The following WWOX variants were observed in gnomAD, a reference collection of about 807,000 sequenced individuals.
WWOX encodes the protein WW domain-containing oxidoreductase.
WWOX carries 69 observed loss-of-function variants against 46.2 expected under a neutral mutation model. That is an observed-to-expected ratio of 1.49 (90% CI 1.23 to 1.82). WWOX has a LOEUF of 1.82. WWOX is among the 40% of genes most tolerant of loss of function. The pLI is 0.00. For synonymous variants in WWOX, 359 were observed against 202.6 expected (o/e 1.77, Z -6.56); for missense variants, 919 against 542.6 (o/e 1.69, Z -6.89).
rs1488549688 is a variant in WWOX at position 79,207,993 on chromosome 16, C to T, written c.1057-3615C>T. Among the ~76,000 whole-genome samples, 3 of 152,160 alleles carry T rather than the reference C, an allele frequency of 2.0e-5. 1 individual carries two copies. The highest frequency in any genetic ancestry group is 4.4e-5 in the Non-Finnish European group (3 of 68,038). ...ATGGATAATTTAGATCTGAGGGCCT[C>T]AACTATAAATAAACAGCAACTGCTT... On this transcript the variant is annotated intron_variant, in intron 8 of 8. Transcript: ENST00000566780.
intron 4 of WWOX, chr16:78,123,440 G>GTTTTGTTTTGTTTTGTTTTGTTTTTT (rs1567584444): frequency 2.0e-5 from 1 of 50,500 alleles, no homozygotes; most frequent in African/African-American, 8.4e-5. Context: ...TTTTTGTTTT[G>GTTTTGTTTTGTTTTGTTTTGTTTTTT]TTTTTTTTTT....
intron 8 of WWOX, among the ~76,000 whole-genome samples, chr16:78,751,987 G>T (rs918129653): frequency 2.1e-5 from 3 of 142,496 alleles, no homozygotes; most frequent in Non-Finnish European, 4.6e-5. Context: ...CTTCTAAAGA[G>T]AATTGGCATT....
At chr16:79,008,140 A>C (rs927412911) in intron 8 of WWOX, among the ~76,000 whole-genome samples, 7 of 152,114 alleles carry the variant, frequency 4.6e-5, no homozygotes, top group African/African-American at 1.7e-4. Context: ...TGTAGGACTG[A>C]GGTGCTTGTT....
At chr16:79,165,304 G>C (rs902009205) in intron 8 of WWOX, among the ~76,000 whole-genome samples, 2 of 152,156 alleles carry the variant, frequency 1.3e-5, no homozygotes, top group African/African-American at 4.8e-5. Flanking sequence ...GTGCACACAT[G>C]GGTGCGTATA....
At chr16:79,193,523 A>G (rs415738) in intron 8 of WWOX, among the ~76,000 whole-genome samples, 114,286 of 152,080 alleles carry the variant, frequency 0.75, 44,117 homozygotes, top group Non-Finnish European at 0.85. Context: ...GAGACCTCAG[A>G]GTATGAAAGT....
At chr16:78,415,204 C>T (rs1402060120) in intron 6 of WWOX, among the ~76,000 whole-genome samples, 2 of 151,686 alleles carry the variant, frequency 1.3e-5, no homozygotes, top group East Asian at 3.9e-4. Flanking sequence ...GGGTTCTTCC[C>T]CTTTTTAGAC....
At chr16:78,440,600 A>G (rs1041507851) in intron 8 of WWOX, among the ~76,000 whole-genome samples, 3 of 150,990 alleles carry the variant, frequency 2.0e-5, no homozygotes, top group East Asian at 3.9e-4. Context: ...GTTTGAAAAC[A>G]TAATTTCTGT....
intron 8 of WWOX, among the ~76,000 whole-genome samples, chr16:78,938,227 C>T (rs144869924): frequency 6.6e-6 from 1 of 152,208 alleles, no homozygotes; most frequent in Non-Finnish European, 1.5e-5. Flanking sequence ...CTTCCACACA[C>T]CTGGACGTGA....
intron 5 of WWOX, among the ~76,000 whole-genome samples, chr16:78,243,761 G>A (rs1298507540): frequency 6.6e-6 from 1 of 152,172 alleles, no homozygotes; most frequent in Non-Finnish European, 1.5e-5. Context: ...TGGCCAGGCT[G>A]GTCACGAACT....
At chr16:78,335,249 G>C (rs1219994175) in intron 5 of WWOX, among the ~76,000 whole-genome samples, 11 of 152,326 alleles carry the variant, frequency 7.2e-5, no homozygotes, top group African/African-American at 2.4e-4. Context: ...ATGAAGCCCA[G>C]CGTCCATTAG....
At chr16:78,665,888 T>C (rs1304140395) in intron 8 of WWOX, among the ~76,000 whole-genome samples, 12 of 152,010 alleles carry the variant, frequency 7.9e-5, no homozygotes, top group Non-Finnish European at 1.5e-5. Flanking sequence ...TTTCACCATG[T>C]TGGCCAGGCT....
At chr16:78,188,481 C>T (rs927997988) in intron 5 of WWOX, among the ~76,000 whole-genome samples, 3 of 117,018 alleles carry the variant, frequency 2.6e-5, no homozygotes, top group African/African-American at 1.1e-4. Flanking sequence ...GAGCGAGACT[C>T]TGTCTCAAAA....
At chr16:79,107,560 G>C (rs1228693853) in intron 8 of WWOX, among the ~76,000 whole-genome samples, 1 of 152,212 alleles carries the variant, frequency 6.6e-6, no homozygotes, top group Non-Finnish European at 1.5e-5. Context: ...ATAGCCCAAA[G>C]ACCAGCCTGA....
At chr16:79,087,858 G>C (rs1376570011) in intron 8 of WWOX, among the ~76,000 whole-genome samples, 2 of 152,190 alleles carry the variant, frequency 1.3e-5, no homozygotes. Flanking sequence ...AGGAAATGCT[G>C]AAAGTTCAGG....
intron 8 of WWOX, among the ~76,000 whole-genome samples, chr16:78,707,016 A>G (rs1005474641): frequency 3.9e-5 from 6 of 152,192 alleles, no homozygotes; most frequent in East Asian, 1.9e-4. Context: ...TAAGGAGACC[A>G]TGATCCATGT....
chr16:79,194,051 T>A (rs571073096), intron 8 of WWOX, among the ~76,000 whole-genome samples: 5 of 152,260 alleles, frequency 3.3e-5, no homozygotes, highest in Middle Eastern at 3.4e-3. Flanking sequence ...GCTAACGTGG[T>A]TGTTATGAAG....
intron 8 of WWOX, among the ~76,000 whole-genome samples, chr16:78,516,736 C>T (rs543624393): frequency 1.3e-4 from 20 of 152,226 alleles, no homozygotes; most frequent in African/African-American, 3.1e-4. Flanking sequence ...ATAATTTAAA[C>T]GCGAGGGTTT....
chr16:79,021,488 A>G (rs557893644), intron 8 of WWOX, among the ~76,000 whole-genome samples: 48 of 152,306 alleles, frequency 3.2e-4, no homozygotes, highest in African/African-American at 1.1e-3. Context: ...ATATTAACTC[A>G]TGGGATCTAG....
chr16:78,210,156 G>T (rs1239640812), intron 5 of WWOX, among the ~76,000 whole-genome samples: 1 of 152,106 alleles, frequency 6.6e-6, no homozygotes, highest in Admixed American at 6.5e-5. Flanking sequence ...AGGGTGATAG[G>T]TTTATTTATA....
Sources: allele counts gnomAD v4.1 joint callset (sites outside exome capture counted in the v4.1 genomes callset), GRCh38; gene constraint gnomAD v4.1.1; transcripts MANE v1.5; gene names NCBI Gene and HGNC (gene_info 2026-07-23, HGNC 2026-07-21).